EPM2A: variants seen among roughly 807,000 people sequenced by gnomAD.
EPM2A encodes the protein EPM2A glucan phosphatase, laforin, also known as laforin.
Under a neutral mutation model 26.5 loss-of-function variants are expected in EPM2A, and 21 were observed. The ratio of observed to expected loss-of-function variants is 0.79; its 90% CI spans 0.56 to 1.14. EPM2A has a LOEUF of 1.14. Ranked by LOEUF, EPM2A falls within the 50% of genes most tolerant of loss-of-function variation. The pLI, the probability that EPM2A is intolerant of heterozygous loss-of-function variation, is 0.00. For synonymous variants in EPM2A, 217 were observed against 177.6 expected, an observed-to-expected ratio of 1.22 and a Z score of -1.76; for missense variants, 458 against 440.8, an observed-to-expected ratio of 1.04 and a Z score of -0.35.
chr6:145,709,638 TA>T (rs1209595065), intron 1 of EPM2A, among the ~76,000 whole-genome samples: 1 of 152,232 alleles, frequency 6.6e-6, no homozygotes, highest in Non-Finnish European at 1.5e-5. Context: ...AAGAACAGAC[TA>T]ATACATCATC....
intron 1 of EPM2A, chr6:145,722,800 A>C: frequency 2.2e-6 from 1 of 446,054 alleles, no homozygotes. Flanking sequence ...ATAAGAAGAA[A>C]TTTGGGCACA....
At chr6:145,408,383 G>A (rs1036376164) in intron 4 of EPM2A, among the ~76,000 whole-genome samples, 22 of 152,290 alleles carry the variant, frequency 1.4e-4, no homozygotes, top group African/African-American at 5.3e-4. Flanking sequence ...CAAGAAGGAT[G>A]AAGTTCATGA....
intron 4 of EPM2A, among the ~76,000 whole-genome samples, chr6:145,414,606 C>T (rs1437097656): frequency 6.6e-6 from 1 of 152,078 alleles, no homozygotes; most frequent in East Asian, 1.9e-4. Context: ...TTGTCCTCCT[C>T]CTTTGAGTCT....
chr6:145,606,758 A>G (rs1016410049), intron 2 of EPM2A, among the ~76,000 whole-genome samples: 1 of 152,172 alleles, frequency 6.6e-6, no homozygotes. Context: ...GCTTAACAAC[A>G]GGAGAGACAT....
chr6:145,414,370 C>G (rs963609120), intron 4 of EPM2A, among the ~76,000 whole-genome samples: 4 of 151,820 alleles, frequency 2.6e-5, no homozygotes, highest in African/African-American at 9.7e-5. Flanking sequence ...GGAATATGCA[C>G]AGGCACACAT....
chr6:145,407,774 A>G (rs1778589163), intron 4 of EPM2A, among the ~76,000 whole-genome samples: 1 of 152,186 alleles, frequency 6.6e-6, no homozygotes, highest in Non-Finnish European at 1.5e-5. Context: ...AAAGGCTACT[A>G]AAATTATTCT....
At position 145,687,840 on chromosome 6, in the gene EPM2A, AT is replaced by A. The variant is rs1006469863; in HGVS notation, c.302-1545del. On this transcript the variant is annotated intron_variant, in intron 1 of 3. Transcript: ENST00000367519. ...AGTCTCCTCTTTTTTCTCTTAATGG[AT>A]TTTTTTTCTCGACGACTACAAGGTG... Among the ~76,000 whole-genome samples, 6 of 151,904 alleles carry A rather than the reference AT, an allele frequency of 3.9e-5. No homozygotes were observed. In the South Asian group the frequency reaches 6.3e-4, roughly 16 times the overall value.
chr6:145,443,035 G>A (rs188192571), intron 4 of EPM2A, among the ~76,000 whole-genome samples: 2 of 151,426 alleles, frequency 1.3e-5, no homozygotes, highest in Admixed American at 1.3e-4. Context: ...TAATTTTTGT[G>A]TGTGTGTGTG....
At chr6:145,503,781 G>A (rs12190362) in intron 2 of EPM2A, among the ~76,000 whole-genome samples, 23 of 22,260 alleles carry the variant, frequency 1.0e-3, no homozygotes, top group East Asian at 2.9e-3. Flanking sequence ...AGCCCGCATC[G>A]CCAAGTCAAT....
At chr6:145,579,390 A>T (rs981405701) in intron 2 of EPM2A, among the ~76,000 whole-genome samples, 1 of 152,212 alleles carries the variant, frequency 6.6e-6, no homozygotes, top group African/African-American at 2.4e-5. Context: ...GTACATACAC[A>T]TTAAAGATTG....
At chr6:145,579,266 T>C (rs1452172766) in intron 2 of EPM2A, among the ~76,000 whole-genome samples, 1 of 152,204 alleles carries the variant, frequency 6.6e-6, no homozygotes, top group African/African-American at 2.4e-5. Flanking sequence ...TCTTTCTTAC[T>C]CAGTCCACTG....
intron 2 of EPM2A, among the ~76,000 whole-genome samples, chr6:145,574,941 C>CA (rs1781010060): frequency 1.3e-5 from 2 of 152,266 alleles, no homozygotes; most frequent in South Asian, 4.1e-4. Context: ...TTAGAAAACT[C>CA]AAACAGTTCT....
chr6:145,656,685 T>C (rs183600409), intron 2 of EPM2A, among the ~76,000 whole-genome samples: 195 of 152,284 alleles, frequency 1.3e-3, no homozygotes, highest in Middle Eastern at 3.4e-3. Flanking sequence ...TAGAAAACGG[T>C]TGACATGATT....
At chr6:145,405,194 G>T (rs1029267855) in intron 4 of EPM2A, among the ~76,000 whole-genome samples, 1 of 151,820 alleles carries the variant, frequency 6.6e-6, no homozygotes, top group Non-Finnish European at 1.5e-5. Flanking sequence ...ACTTGAATTT[G>T]CACGTTTAAT....
downstream of EPM2A, among the ~76,000 whole-genome samples, chr6:145,621,818 G>A (rs1264767282): frequency 6.6e-6 from 1 of 151,844 alleles, no homozygotes; most frequent in Non-Finnish European, 1.5e-5. Flanking sequence ...GACGTGTTTG[G>A]GTTCCTTATG....
intron 4 of EPM2A, among the ~76,000 whole-genome samples, chr6:145,431,148 GA>G (rs1216981295): frequency 6.6e-6 from 1 of 152,168 alleles, no homozygotes; most frequent in Non-Finnish European, 1.5e-5. Context: ...GAAAATAATT[GA>G]AATGTTTAAT....
chr6:145,402,434 C>T (rs1218170065), intron 4 of EPM2A, among the ~76,000 whole-genome samples: 1 of 152,130 alleles, frequency 6.6e-6, no homozygotes, highest in Non-Finnish European at 1.5e-5. Flanking sequence ...CATGACATTA[C>T]TGTGCAGTGT....
At chr6:145,517,788 A>G (rs915132577) in intron 2 of EPM2A, among the ~76,000 whole-genome samples, 2 of 152,262 alleles carry the variant, frequency 1.3e-5, no homozygotes, top group South Asian at 4.2e-4. Flanking sequence ...GCCCTATTTG[A>G]ACAGAAATAT....
chr6:145,735,901 G>GA (rs1192355248), upstream of EPM2A: 1 of 152,302 alleles, frequency 6.6e-6, no homozygotes, highest in African/African-American at 2.4e-5. Context: ...ATAAGGAAGG[G>GA]AATGACCTCT....
Sources: allele counts gnomAD v4.1 joint callset (sites outside exome capture counted in the v4.1 genomes callset), GRCh38; gene constraint gnomAD v4.1.1; transcripts MANE v1.5; gene names NCBI Gene and HGNC (gene_info 2026-07-23, HGNC 2026-07-21).